B4GALNT2: variants seen among roughly 807,000 people sequenced by gnomAD.
B4GALNT2 encodes the protein N-acetylneuraminylgalactosylglucosyl-glucoside beta-1,4-N- acetylgalactosaminyltransferase 2.
Under a neutral mutation model 51.1 loss-of-function variants are expected in B4GALNT2, and 42 were observed. That is an observed-to-expected ratio of 0.82 (90% CI 0.64 to 1.06). The LOEUF (loss-of-function observed/expected upper bound fraction) is 1.06. Ranked by LOEUF, B4GALNT2 falls within the 50% of genes least tolerant of loss-of-function variation. B4GALNT2 has a pLI of 0.00. For synonymous variants in B4GALNT2, 253 were observed against 251.7 expected, an observed-to-expected ratio of 1.01 and a Z score of -0.05; for missense variants, 602 against 633.6, an observed-to-expected ratio of 0.95 and a Z score of 0.54.
rs1302597183 is a variant in B4GALNT2 at position 49,136,181 on chromosome 17, T to C, written c.14+3375T>C. Among the ~76,000 whole-genome samples, 9 of 152,030 alleles carry C rather than the reference T, an allele frequency of 5.9e-5. No individual in the cohort carries two copies. In the East Asian group the frequency reaches 9.6e-4, roughly 16 times the overall value. On this transcript the variant is annotated intron_variant, in intron 1 of 10. Transcript: ENST00000393354. ...AGAGCAAAGTTACATCTCTACAAAATTGAGCTATTCTAGTCAAGAATAAAA... is the reference window on the plus strand; with the variant it reads ...AGAGCAAAGTTACATCTCTACAAAACTGAGCTATTCTAGTCAAGAATAAAA...
intron 3 of B4GALNT2, among the ~76,000 whole-genome samples, chr17:49,150,795 C>A (rs1432782638): frequency 6.7e-6 from 1 of 149,000 alleles, no homozygotes; most frequent in African/African-American, 2.5e-5. Context: ...CGGAAGGCCG[C>A]AGGGTCCTCT....
chr17:49,135,346 CTTT>C (rs112479042), intron 1 of B4GALNT2, among the ~76,000 whole-genome samples: 13 of 143,184 alleles, frequency 9.1e-5, no homozygotes, highest in Admixed American at 3.5e-4. Context: ...AGCTATCCTT[CTTT>C]TTTTTTTTTT....
At chr17:49,162,090 C>T (rs1239571741) in intron 7 of B4GALNT2, among the ~76,000 whole-genome samples, 1 of 151,848 alleles carries the variant, frequency 6.6e-6, no homozygotes, top group Non-Finnish European at 1.5e-5. Context: ...CGGGCTCACA[C>T]CATTCTCCTG....
the B4GALNT2 span, among the ~76,000 whole-genome samples, chr17:49,123,402 C>T: frequency 2.1e-4 from 32 of 152,330 alleles, no homozygotes; most frequent in East Asian, 3.5e-3. Context: ...TTAATTTAAA[C>T]TGTAGAAAAT....
upstream of B4GALNT2, chr17:49,132,650 G>A: frequency 9.8e-7 from 1 of 1,020,976 alleles, no homozygotes; most frequent in Non-Finnish European, 1.3e-6. Context: ...GCGGTCAGGA[G>A]AGAAGGGCGG....
intron 9 of B4GALNT2, among the ~76,000 whole-genome samples, chr17:49,168,236 G>T (rs764477405): frequency 2.6e-5 from 4 of 152,156 alleles, no homozygotes; most frequent in Admixed American, 6.5e-5. Context: ...GCAGCTCCAA[G>T]AGGTAAGCCA....
Position 49,132,825 on chromosome 17 carries a change from G to T in B4GALNT2, c.14+19G>T. The T allele has an allele frequency of 7.3e-7, 1 of 1,377,848 alleles. No homozygotes were observed. The highest frequency in any genetic ancestry group is 9.4e-7 in the Non-Finnish European group (1 of 1,064,348). The allele number at this position is 1,377,848 out of a possible 1,614,324, so 85.4% of individuals were successfully genotyped here. ...CGGGCGGGTGAGTGTCCCCGGGGCAGAGCAGAGCGAGAGGTGAAACTTCGG... is the reference window on the plus strand; with the variant it reads ...CGGGCGGGTGAGTGTCCCCGGGGCATAGCAGAGCGAGAGGTGAAACTTCGG... On this transcript the variant is annotated intron_variant, in intron 1 of 10. Transcript: ENST00000393354.
upstream of B4GALNT2, among the ~76,000 whole-genome samples, chr17:49,128,420 C>T (rs577868211): frequency 9.9e-5 from 15 of 152,134 alleles, no homozygotes; most frequent in Non-Finnish European, 2.1e-4. Flanking sequence ...GATGAGAATG[C>T]AGAGGGGGTT....
Position 49,169,698 on chromosome 17 carries a change from C to A in B4GALNT2, c.1491C>A (p.Tyr497Ter). Residue 497 changes from tyrosine (Y) to a stop codon, truncating the protein, a stop_gained, in exon 11 of 11, where the codon TAC (tyrosine) becomes TAA (stop). Transcript: ENST00000393354. LOFTEE classifies it high-confidence loss of function. The stretch of plus-strand genomic sequence containing the variant: ...TCCAGTTCAAGCTGGCCCTCCACTA[C>A]TTCAAGAACCATCTCCAATGTGCCG... ...TRVQFKLALH[Y>*]FKNHLQCAA 1 of 1,595,730 alleles carries A rather than the reference C, an allele frequency of 6.3e-7. No homozygotes were observed. The highest frequency in any genetic ancestry group is 8.6e-7 in the Non-Finnish European group (1 of 1,168,944).
At chr17:49,156,369 G>C (rs1284084114) in intron 4 of B4GALNT2, among the ~76,000 whole-genome samples, 197 bp from the exon 5 acceptor site, 1 of 152,214 alleles carries the variant, frequency 6.6e-6, no homozygotes, top group South Asian at 2.1e-4. Context: ...AGAACCGTTG[G>C]GGTTTGAGAA....
At chr17:49,167,258 G>A (rs1476125645) in intron 9 of B4GALNT2, among the ~76,000 whole-genome samples, 1 of 152,166 alleles carries the variant, frequency 6.6e-6, no homozygotes, top group Non-Finnish European at 1.5e-5. Flanking sequence ...CAATCCTTTG[G>A]TCCCTGGCTG....
In B4GALNT2 at chr17:49,176,745, C is replaced by CT. The variant is rs2042991736; in HGVS notation, c.*7022dup. ...TTTACAGTTTCTGTTTACCTGTAAA[C>CT]TTTTTCTTCCTGTGGCCTAGGGTAG... On this transcript the variant is annotated 3_prime_UTR_variant, in exon 11 of 11. Transcript: ENST00000393354. 1 of 152,184 alleles carries CT rather than the reference C, an allele frequency of 6.6e-6. No homozygotes were observed. The highest frequency in any genetic ancestry group is 1.5e-5 in the Non-Finnish European group (1 of 68,022). 9.4% of individuals were successfully genotyped at this position (152,184 alleles called of 1,614,324 possible).
intron 1 of B4GALNT2, among the ~76,000 whole-genome samples, chr17:49,137,228 C>T (rs2042599245): frequency 6.6e-6 from 1 of 152,078 alleles, no homozygotes; most frequent in Admixed American, 6.5e-5. Context: ...GAATGTGCCC[C>T]TCAGAGTTCA....
chr17:49,159,501 C>T (rs550819976), intron 6 of B4GALNT2, among the ~76,000 whole-genome samples: 8 of 152,238 alleles, frequency 5.3e-5, no homozygotes, highest in African/African-American at 1.7e-4. Context: ...GCCACCATGC[C>T]CGGCTAATTT....
At chr17:49,140,322 G>C (rs936505031) in intron 1 of B4GALNT2, among the ~76,000 whole-genome samples, 1 of 151,964 alleles carries the variant, frequency 6.6e-6, no homozygotes, top group African/African-American at 2.4e-5. Context: ...GGATGGTCTC[G>C]ATCTCCTGAC....
the B4GALNT2 span, among the ~76,000 whole-genome samples, chr17:49,125,182 G>A: frequency 1.3e-3 from 191 of 152,072 alleles, no homozygotes; most frequent in African/African-American, 4.5e-3. Context: ...TTTTTGAGAT[G>A]GAGTTTCACT....
intron 4 of B4GALNT2, among the ~76,000 whole-genome samples, chr17:49,155,126 TAG>T (rs1027041000): frequency 2.0e-5 from 3 of 151,492 alleles, no homozygotes; most frequent in African/African-American, 7.3e-5. Flanking sequence ...CTGGCCAACA[TAG>T]TGAAACCTTG....
intron 7 of B4GALNT2, among the ~76,000 whole-genome samples, chr17:49,162,783 C>A (rs2042875996): frequency 6.6e-6 from 1 of 151,580 alleles, no homozygotes; most frequent in Non-Finnish European, 1.5e-5. Flanking sequence ...CATGGTGGTG[C>A]ACGTCTGTAG....
chr17:49,162,384 T>C (rs934363613), intron 7 of B4GALNT2, among the ~76,000 whole-genome samples: 1 of 152,174 alleles, frequency 6.6e-6, no homozygotes, highest in African/African-American at 2.4e-5. Flanking sequence ...AAAGTGCATA[T>C]GAAAACTACT....
Sources: gnomAD v4.1 joint callset for allele counts (sites outside exome capture counted in the v4.1 genomes callset) on GRCh38, gnomAD v4.1.1 for gene constraint, MANE v1.5 for transcripts, NCBI Gene and HGNC (gene_info 2026-07-23, HGNC 2026-07-21) for gene names.